Variants in TMPRSS15 observed in about 807,000 individuals in gnomAD.
The protein encoded by TMPRSS15 is transmembrane serine protease 15.
In TMPRSS15, 128 loss-of-function variants were observed where a neutral mutation model predicts 125.3. The ratio of observed to expected loss-of-function variants is 1.02; its 90% CI spans 0.89 to 1.18. The LOEUF (loss-of-function observed/expected upper bound fraction) is 1.18, where lower values mean the gene tolerates loss of function less well. Among genes scored for constraint, TMPRSS15 ranks in the 50% most tolerant of loss-of-function variants. The probability of loss-of-function intolerance (pLI) is 0.00; values close to 1 mark genes in which losing one functional copy is unlikely to be tolerated. For missense variants in TMPRSS15, 1,283 were observed against 1,212.7 expected (o/e 1.06, Z -0.86); for synonymous variants, 446 against 423.2 (o/e 1.05, Z -0.66).
chr21:18,458,897 A>G (rs975310934), intron 1 of TMPRSS15, among the ~76,000 whole-genome samples: 1 of 152,084 alleles, frequency 6.6e-6, no homozygotes, highest in Non-Finnish European at 1.5e-5. Flanking sequence ...TGATGATTAT[A>G]TCATTTTAAT....
At chr21:18,375,725 T>C (rs2075835094) in intron 5 of TMPRSS15, among the ~76,000 whole-genome samples, 1 of 152,194 alleles carries the variant, frequency 6.6e-6, no homozygotes. Flanking sequence ...AAATAGGCTT[T>C]AATTATTCAT....
At chr21:18,411,896 T>C (rs1333427365) in intron 1 of TMPRSS15, among the ~76,000 whole-genome samples, 1 of 152,190 alleles carries the variant, frequency 6.6e-6, no homozygotes, top group African/African-American at 2.4e-5. Context: ...CATGGCAGTA[T>C]TCAAAAATAG....
intron 3 of TMPRSS15, among the ~76,000 whole-genome samples, chr21:18,391,218 T>C (rs1208705469): frequency 6.6e-6 from 1 of 152,126 alleles, no homozygotes; most frequent in Non-Finnish European, 1.5e-5. Flanking sequence ...CAACAGTCCC[T>C]CAAAGTTTTA....
intron 22 of TMPRSS15, among the ~76,000 whole-genome samples, chr21:18,279,515 T>C (rs112711803): frequency 0.083 from 12,454 of 149,818 alleles, 603 homozygotes; most frequent in African/African-American, 0.12. Flanking sequence ...TTTTTTTTTT[T>C]AGTAGAGATG....
At chr21:18,403,098 A>G (rs183385301) in intron 1 of TMPRSS15, among the ~76,000 whole-genome samples, 1 of 152,338 alleles carries the variant, frequency 6.6e-6, no homozygotes, top group African/African-American at 2.4e-5. Flanking sequence ...CATATTCAAC[A>G]ACATGTTAAT....
intron 3 of TMPRSS15, among the ~76,000 whole-genome samples, chr21:18,392,898 C>G (rs2076002501): frequency 6.6e-6 from 1 of 152,140 alleles, no homozygotes; most frequent in Non-Finnish European, 1.5e-5. Context: ...CATCCACTAT[C>G]ATAAGAACAG....
intron 16 of TMPRSS15, among the ~76,000 whole-genome samples, chr21:18,317,198 T>C (rs1344911312): frequency 6.6e-6 from 1 of 152,094 alleles, no homozygotes; most frequent in Non-Finnish European, 1.5e-5. Flanking sequence ...ATAAAGCCAC[T>C]TGAAAGGAAT....
chr21:18,423,464 A>G (rs1009991502), intron 1 of TMPRSS15, among the ~76,000 whole-genome samples: 4 of 147,852 alleles, frequency 2.7e-5, no homozygotes, highest in African/African-American at 7.5e-5. Flanking sequence ...GCTGGAGTGC[A>G]GTGGCGCGAT....
intron 8 of TMPRSS15, among the ~76,000 whole-genome samples, chr21:18,358,184 G>A (rs1043922031): frequency 2.6e-5 from 4 of 151,726 alleles, no homozygotes; most frequent in African/African-American, 9.7e-5. Flanking sequence ...ACAGACCATG[G>A]TATTTGAAGA....
At position 18,328,498 on chromosome 21, in the gene TMPRSS15, T is replaced by C. The variant is rs1256917057; in HGVS notation, c.1780+671A>G. 3.3e-5 allele frequency among the ~76,000 whole-genome samples: 5 copies of C among 152,198 alleles called. 1 individual carries two copies. The East Asian group carries it at 9.6e-4, about 29-fold the overall frequency. The stretch of plus-strand genomic sequence containing the variant: ...CATAATGGGTGTCCTTAGCTTCTAG[T>C]CTCCAATGGGTAGTGCTTGTGGTAG... On this transcript the variant is annotated intron_variant, in intron 15 of 24. Transcript: ENST00000284885.
intron 3 of TMPRSS15, among the ~76,000 whole-genome samples, chr21:18,391,727 G>C (rs2075992420): frequency 6.6e-6 from 1 of 152,228 alleles, no homozygotes. Flanking sequence ...GGGGGACTCT[G>C]TGTGGGGGCT....
At chr21:18,368,705 T>G (rs1168674296) in intron 6 of TMPRSS15, among the ~76,000 whole-genome samples, 1 of 152,226 alleles carries the variant, frequency 6.6e-6, no homozygotes, top group African/African-American at 2.4e-5. Flanking sequence ...ATCATGTTAC[T>G]AAGTTTTAGT....
intron 18 of TMPRSS15, among the ~76,000 whole-genome samples, chr21:18,311,927 A>T (rs781380262): frequency 1.3e-5 from 2 of 152,202 alleles, no homozygotes; most frequent in Non-Finnish European, 2.9e-5. Context: ...CATAGAGTGT[A>T]TATATAATGT....
At chr21:18,327,556 T>C (rs182943750) in intron 15 of TMPRSS15, among the ~76,000 whole-genome samples, 2 of 152,202 alleles carry the variant, frequency 1.3e-5, no homozygotes, top group East Asian at 1.9e-4. Context: ...GATGAAAAGG[T>C]TGGGGAACCC....
chr21:18,307,991 C>G (rs1030089228), intron 18 of TMPRSS15, among the ~76,000 whole-genome samples: 2 of 152,080 alleles, frequency 1.3e-5, no homozygotes, highest in African/African-American at 4.8e-5. Flanking sequence ...CAGGGAAAGC[C>G]CAGTCATCCG....
chr21:18,329,540 T>G (rs1045175988), intron 14 of TMPRSS15, among the ~76,000 whole-genome samples: 1 of 151,590 alleles, frequency 6.6e-6, no homozygotes, highest in Non-Finnish European at 1.5e-5. Context: ...ATAATTGATA[T>G]TTTTATGAAA....
chr21:18,441,516 A>G (rs1242376498), intron 1 of TMPRSS15, among the ~76,000 whole-genome samples: 1 of 150,286 alleles, frequency 6.7e-6, no homozygotes, highest in Non-Finnish European at 1.5e-5. Flanking sequence ...CTGAGGCAGA[A>G]GAATCACTTG....
chr21:18,399,406 C>A (rs946350435), intron 1 of TMPRSS15, among the ~76,000 whole-genome samples: 1 of 152,012 alleles, frequency 6.6e-6, no homozygotes, highest in South Asian at 2.1e-4. Context: ...GCTTTAATTG[C>A]ATAATTGATG....
At chr21:18,283,087 G>C (rs2074720847) in intron 21 of TMPRSS15, among the ~76,000 whole-genome samples, 1 of 152,086 alleles carries the variant, frequency 6.6e-6, no homozygotes, top group Admixed American at 6.6e-5. Flanking sequence ...CTCTTCTCCA[G>C]GTCAGAGGAA....
Sources: allele counts gnomAD v4.1 joint callset (sites outside exome capture counted in the v4.1 genomes callset), GRCh38; gene constraint gnomAD v4.1.1; transcripts MANE v1.5; gene names NCBI Gene and HGNC (gene_info 2026-07-23, HGNC 2026-07-21).